PCDHGB3: variants seen among roughly 807,000 people sequenced by gnomAD.
The protein encoded by PCDHGB3 is protocadherin gamma subfamily B, 3.
Under a neutral mutation model 59.2 loss-of-function variants are expected in PCDHGB3, and 40 were observed. The ratio of observed to expected loss-of-function variants is 0.68; its 90% confidence interval spans 0.52 to 0.88. The LOEUF is 0.88. Ranked by LOEUF, PCDHGB3 falls within the 40% of genes least tolerant of loss-of-function variation. The pLI is 0.00. For synonymous variants in PCDHGB3, 581 were observed against 503.6 expected (o/e 1.15, Z -2.06); for missense variants, 1,309 against 1,187.9 (o/e 1.10, Z -1.50).
chr5:141,383,193 G>A, intron 1 of PCDHGB3: 2 of 1,614,066 alleles, frequency 1.2e-6, no homozygotes, highest in Non-Finnish European at 1.7e-6. Flanking sequence ...TCTGCGCTCA[G>A]AGTGCGCGGT....
chr5:141,398,145 G>A, intron 1 of PCDHGB3: 2 of 1,520,796 alleles, frequency 1.3e-6, no homozygotes, highest in Admixed American at 4.8e-5. Context: ...GCGGCGCCGG[G>A]GAGCTGGGCC....
At chr5:141,391,759 T>C (rs901291558) in intron 1 of PCDHGB3, 1 of 152,196 alleles carries the variant, frequency 6.6e-6, no homozygotes, top group Non-Finnish European at 1.5e-5. Context: ...GGCTTCTTAG[T>C]AAGTATTATA....
Position 141,486,170 on chromosome 5 carries a change from C to A in PCDHGB3, c.2416-8637C>A. ...TGGGGGTTCTCCAGCCATGGAGCAACATTGCAGCCTTCGAGTGGATCTGCT... is the reference window on the plus strand; with the variant it reads ...TGGGGGTTCTCCAGCCATGGAGCAAAATTGCAGCCTTCGAGTGGATCTGCT... On this transcript the variant is annotated intron_variant, in intron 1 of 3. Coordinates refer to ENST00000576222, the MANE Select transcript of PCDHGB3 (RefSeq NM_018924.5). This position sits in a 1 kb window ranked among gnomAD's most constrained non-coding sequence, Gnocchi z 5.0. 6.2e-7 allele frequency: 1 copy of A among 1,614,234 alleles called. No homozygotes were observed. Among genetic ancestry groups the A allele is most frequent in the African/African-American group, 1.3e-5 (1 of 75,052 alleles).
intron 1 of PCDHGB3, among the ~76,000 whole-genome samples, chr5:141,438,948 G>A (rs2154558298): frequency 6.6e-6 from 1 of 152,142 alleles, no homozygotes; most frequent in Middle Eastern, 3.4e-3. Context: ...TTATAGGCAT[G>A]AGCCACCGCA....
At chr5:141,475,980 C>T (rs758066578) in intron 1 of PCDHGB3, 45 of 1,028,498 alleles carry the variant, frequency 4.4e-5, no homozygotes, top group Non-Finnish European at 6.2e-5. Flanking sequence ...ACTGAACAGC[C>T]GGCGAGCAAA....
chr5:141,408,720 A>T, intron 1 of PCDHGB3: 1 of 1,611,332 alleles, frequency 6.2e-7, no homozygotes, highest in Non-Finnish European at 8.5e-7. Context: ...TATAAGATAA[A>T]CTCTAATCCT....
At position 141,399,354 on chromosome 5, in the gene PCDHGB3, G is replaced by A. The variant is rs559321354; in HGVS notation, c.2415+26545G>A. The A allele has an allele frequency of 3.7e-6, 6 of 1,614,008 alleles. No homozygotes were observed. The Admixed American group carries it at 1.0e-4, about 27-fold the overall frequency. On this transcript the variant is annotated intron_variant, in intron 1 of 3. Coordinates refer to ENST00000576222, the MANE Select transcript of PCDHGB3 (RefSeq NM_018924.5). ...TAACAGATGGAACCCTAGACCGAGA[G>A]CAAACCCCGGAGTACAATGTCACCA...
rs2154594676 is a variant in PCDHGB3, at chr5:141,511,333, G to A, written c.*160G>A. 6.9e-7 allele frequency: 1 copy of A among 1,441,948 alleles called. No homozygotes were observed. Among genetic ancestry groups the A allele is most frequent in the Non-Finnish European group, 9.2e-7 (1 of 1,085,894 alleles). The allele number at this position is 1,441,948 out of a possible 1,614,324, so 89.3% of individuals were successfully genotyped here. On this transcript the variant is annotated 3_prime_UTR_variant, in exon 4 of 4. Transcript: ENST00000576222. Reference sequence around the variant, plus strand: ...GGAAACAGAAACAAGTGCCCAGTCAGCACCTACCCCTTCCCCCCCAGGGGG... The same window carrying A: ...GGAAACAGAAACAAGTGCCCAGTCAACACCTACCCCTTCCCCCCCAGGGGG...
chr5:141,375,754 C>T, intron 1 of PCDHGB3: 1 of 1,614,244 alleles, frequency 6.2e-7, no homozygotes, highest in Non-Finnish European at 8.5e-7. Flanking sequence ...ACCAGAATGA[C>T]AATGCGCCCG....
rs571588941 is a variant in PCDHGB3, at chr5:141,428,181, A to T, written c.2415+55372A>T. The T allele has an allele frequency of 1.2e-4, 181 of 1,486,230 alleles. 2 individuals carry two copies. In the South Asian group the frequency reaches 2.0e-3, roughly 16 times the overall value. The allele number at this position is 1,486,230 out of a possible 1,614,324, so 92.1% of individuals were successfully genotyped here. A position where few individuals can be genotyped will look rare whatever the true frequency, so the allele number is the denominator to read the frequency against. ...CTGGTTGCTGTGCGTGACGGAGGAC[A>T]GCCGCCGCTCTCTGCGCCGCTACGC... On this transcript the variant is annotated intron_variant, in intron 1 of 3. Coordinates refer to ENST00000576222, the MANE Select transcript of PCDHGB3 (RefSeq NM_018924.5).
rs778564034 is a variant in PCDHGB3 at position 141,384,738 on chromosome 5, GC to G, written c.2415+11931del. ...CATACCTCCTGCTTAAGGCCAGCGA[GC>G]CAGGACTCTTTGCGGTTGGGCTGTA... On this transcript the variant is annotated intron_variant, in intron 1 of 3. Coordinates refer to ENST00000576222, the MANE Select transcript of PCDHGB3 (RefSeq NM_018924.5). 10 of 1,614,098 alleles carry G rather than the reference GC, an allele frequency of 6.2e-6. No individual in the cohort carries two copies. The East Asian group carries it at 2.2e-4, about 36-fold the overall frequency.
intron 1 of PCDHGB3, chr5:141,415,153 G>T: frequency 2.5e-6 from 4 of 1,613,780 alleles, no homozygotes; most frequent in Non-Finnish European, 3.4e-6. Context: ...CCCTCTCTCC[G>T]CCACTGTCAC....
In PCDHGB3 at chr5:141,432,249, A is replaced by G; in HGVS notation, c.2415+59440A>G. The G allele has an allele frequency of 6.2e-7, 1 of 1,614,206 alleles. No individual in the cohort carries two copies. Among genetic ancestry groups the G allele is most frequent in the Non-Finnish European group, 8.5e-7 (1 of 1,180,044 alleles). On this transcript the variant is annotated intron_variant, in intron 1 of 3. Coordinates refer to ENST00000576222, the MANE Select transcript of PCDHGB3 (RefSeq NM_018924.5). The surrounding 1 kb of genome is among the most constrained non-coding windows in gnomAD (Gnocchi z 6.0). ...TATTCCCTGGCTGAGAACACCATCC[A>G]AGGGGCAAGCCTATCGTCCTACGTG...
At chr5:141,440,841 A>G (rs1361003883) in intron 1 of PCDHGB3, 5 of 152,114 alleles carry the variant, frequency 3.3e-5, no homozygotes, top group Admixed American at 1.3e-4. Flanking sequence ...GTTGAAGCCA[A>G]TGACAACCCT....
At chr5:141,460,787 C>T (rs1177595415) in intron 1 of PCDHGB3, among the ~76,000 whole-genome samples, 1 of 151,504 alleles carries the variant, frequency 6.6e-6, no homozygotes, top group Non-Finnish European at 1.5e-5. Context: ...TACATATATA[C>T]ACACAAAGTA....
chr5:141,482,645 G>A (rs1267966412), intron 1 of PCDHGB3, among the ~76,000 whole-genome samples: 1 of 152,120 alleles, frequency 6.6e-6, no homozygotes, highest in Admixed American at 6.5e-5. Context: ...TAGAGGTGGT[G>A]ATGCTTGAGC....
intron 1 of PCDHGB3, chr5:141,415,500 C>G (rs754684999): frequency 6.2e-6 from 10 of 1,614,074 alleles, no homozygotes; most frequent in Non-Finnish European, 8.5e-6. Context: ...TGATCTTCCC[C>G]CAGCCCAATT....
chr5:141,470,262 A>C (rs924170384), intron 1 of PCDHGB3, among the ~76,000 whole-genome samples: 2 of 152,126 alleles, frequency 1.3e-5, no homozygotes, highest in African/African-American at 4.8e-5. Context: ...CTAAATGGAG[A>C]TACATGTTTG....
chr5:141,438,754 T>C (rs1213047429), intron 1 of PCDHGB3, among the ~76,000 whole-genome samples: 3 of 148,368 alleles, frequency 2.0e-5, no homozygotes, highest in African/African-American at 5.0e-5. Context: ...CTCTGCCTCC[T>C]GGGTTCAAGC....
Sources: allele counts gnomAD v4.1 joint callset (sites outside exome capture counted in the v4.1 genomes callset), GRCh38; gene constraint gnomAD v4.1.1; non-coding constraint Gnocchi (gnomAD v3.1); transcripts MANE v1.5; gene names NCBI Gene and HGNC (gene_info 2026-07-23, HGNC 2026-07-21).